Variants in GMDS observed in about 807,000 individuals in gnomAD.
GMDS encodes GDP-mannose 4,6 dehydratase.
In GMDS, 20 loss-of-function variants were observed where a neutral mutation model predicts 49.9. The ratio of observed to expected loss-of-function variants is 0.40; its 90% CI spans 0.28 to 0.58. The LOEUF (loss-of-function observed/expected upper bound fraction) is 0.58. GMDS is among the 20% of genes least tolerant of loss of function. The probability of loss-of-function intolerance (pLI) is 0.42; values close to 1 mark genes in which losing one functional copy is unlikely to be tolerated. For missense variants in GMDS, 362 were observed against 481.4 expected, an observed-to-expected ratio of 0.75 and a Z score of 2.32; for synonymous variants, 177 against 178.6, an observed-to-expected ratio of 0.99 and a Z score of 0.07.
chr6:1,884,380 G>A (rs769099929), intron 7 of GMDS, among the ~76,000 whole-genome samples: 39 of 152,194 alleles, frequency 2.6e-4, no homozygotes, highest in Non-Finnish European at 4.4e-4. Context: ...ATGATGTAGC[G>A]TTAACCAGGG....
rs116812691 is a variant in GMDS at position 1,868,558 on chromosome 6, G to A, written c.771+61545C>T. 3.9e-3 allele frequency among the ~76,000 whole-genome samples: 589 copies of A among 152,276 alleles called. 5 individuals are homozygous for A. Among genetic ancestry groups the A allele is most frequent in the African/African-American group, 0.013 (534 of 41,560 alleles). On this transcript the variant is annotated intron_variant, in intron 7 of 10. Coordinates refer to ENST00000380815, the MANE Select transcript of GMDS (RefSeq NM_001500.4). ...TATTCTGCAGAGCACTGAGGTAGGC[G>A]TGTCTATATTTCTTACTTTATTTAA... is the stretch of plus-strand genomic sequence containing the variant.
intron 4 of GMDS, among the ~76,000 whole-genome samples, chr6:1,978,217 CA>C (rs1765022412): frequency 1.3e-5 from 2 of 152,144 alleles, no homozygotes; most frequent in Admixed American, 1.3e-4. Flanking sequence ...GCAGCTTTGT[CA>C]GTTAAAGGCC....
At chr6:1,752,697 A>G (rs1396511460) in intron 7 of GMDS, among the ~76,000 whole-genome samples, 5 of 152,204 alleles carry the variant, frequency 3.3e-5, no homozygotes, top group African/African-American at 1.2e-4. Flanking sequence ...CTCGGCAGAA[A>G]CCCTACAAGC....
Position 2,178,832 on chromosome 6 carries a change from C to A in GMDS, c.103-54101G>T, listed in dbSNP as rs553162021. On this transcript the variant is annotated intron_variant, in intron 1 of 10. Coordinates refer to ENST00000380815, the MANE Select transcript of GMDS (RefSeq NM_001500.4). ...TTGAACATCCACAGGCCCTGACTTT[C>A]CAGACTAACAATGATATTCTGATGC... 1.1e-4 allele frequency among the ~76,000 whole-genome samples: 16 copies of A among 152,278 alleles called. No individual in the cohort carries two copies. In the South Asian group the frequency reaches 3.3e-3, roughly 32 times the overall value.
chr6:1,761,790 T>C (rs1281045549), intron 7 of GMDS, among the ~76,000 whole-genome samples: 1 of 152,150 alleles, frequency 6.6e-6, no homozygotes, highest in Non-Finnish European at 1.5e-5. Context: ...GAAATCTCGC[T>C]CACAATGAAA....
chr6:2,205,785 A>G (rs1779780167), intron 1 of GMDS, among the ~76,000 whole-genome samples: 2 of 150,656 alleles, frequency 1.3e-5, no homozygotes, highest in African/African-American at 4.9e-5. Flanking sequence ...GTGGGGGGGG[A>G]GGGGGGTGTT....
chr6:1,825,504 T>A (rs931082943), intron 7 of GMDS, among the ~76,000 whole-genome samples: 36 of 152,174 alleles, frequency 2.4e-4, no homozygotes, highest in Non-Finnish European at 4.7e-4. Flanking sequence ...GAGAAATGTG[T>A]CCTTAGGTGA....
intron 4 of GMDS, among the ~76,000 whole-genome samples, chr6:2,049,981 G>T (rs1046755504): frequency 6.6e-6 from 1 of 152,036 alleles, no homozygotes. Flanking sequence ...AGAGAAGCAA[G>T]AGCAAACAAA....
At chr6:1,835,759 T>C (rs996338939) in intron 7 of GMDS, among the ~76,000 whole-genome samples, 5 of 152,170 alleles carry the variant, frequency 3.3e-5, no homozygotes, top group Non-Finnish European at 7.3e-5. Context: ...AGATATCAAT[T>C]TGGTAATAGG....
chr6:1,708,535 G>A (rs1352951074), intron 9 of GMDS, among the ~76,000 whole-genome samples: 4 of 152,376 alleles, frequency 2.6e-5, no homozygotes, highest in Non-Finnish European at 5.9e-5. Flanking sequence ...AGAATGGATC[G>A]GGCGAGAGCC....
intron 9 of GMDS, among the ~76,000 whole-genome samples, chr6:1,699,784 G>A (rs772599262): frequency 7.2e-5 from 11 of 152,050 alleles, no homozygotes; most frequent in Non-Finnish European, 1.5e-4. Context: ...ACATAGCCAC[G>A]TATTCTAGAA....
chr6:1,631,196 G>A (rs185604781), intron 9 of GMDS, among the ~76,000 whole-genome samples: 9 of 152,164 alleles, frequency 5.9e-5, no homozygotes, highest in Admixed American at 1.3e-4. Flanking sequence ...CCCTCAAAGC[G>A]CTTTATAGAC....
At position 1,778,454 on chromosome 6, in the gene GMDS, C is replaced by T. The variant is rs1443920406; in HGVS notation, c.772-35868G>A. Reference sequence around the variant, plus strand: ...CGGCGGGCACTGTGCTGAGGAGTGGCCAAGGAACTGTGGAATTCAAGAGGA... The same window carrying T: ...CGGCGGGCACTGTGCTGAGGAGTGGTCAAGGAACTGTGGAATTCAAGAGGA... On this transcript the variant is annotated intron_variant, in intron 7 of 10. Coordinates refer to ENST00000380815, the MANE Select transcript of GMDS (RefSeq NM_001500.4). This position sits in a 1 kb window ranked among gnomAD's most constrained non-coding sequence, Gnocchi z 4.6. Among the ~76,000 whole-genome samples the T allele has an allele frequency of 6.6e-6, 1 of 152,100 alleles. No individual in the cohort carries two copies.
At chr6:1,783,082 G>A (rs1769177043) in intron 7 of GMDS, among the ~76,000 whole-genome samples, 1 of 152,140 alleles carries the variant, frequency 6.6e-6, no homozygotes, top group East Asian at 1.9e-4. Flanking sequence ...TCGAGCCTGG[G>A]AGGTCAAGGC....
At chr6:1,942,389 C>T (rs993022423) in intron 6 of GMDS, among the ~76,000 whole-genome samples, 7 of 152,166 alleles carry the variant, frequency 4.6e-5, no homozygotes, top group Admixed American at 3.9e-4. Flanking sequence ...CTCTTTCCTA[C>T]TTCACATGGT....
chr6:2,010,551 A>G (rs531421785), intron 4 of GMDS, among the ~76,000 whole-genome samples: 1 of 152,290 alleles, frequency 6.6e-6, no homozygotes, highest in South Asian at 2.1e-4. Flanking sequence ...CTATGAAAAT[A>G]ACACTCAATA....
intron 7 of GMDS, among the ~76,000 whole-genome samples, chr6:1,780,386 A>G (rs1359869289): frequency 6.6e-6 from 1 of 152,202 alleles, no homozygotes; most frequent in Non-Finnish European, 1.5e-5. Context: ...AATGTATTCA[A>G]TAAATGGCAA....
At chr6:2,156,053 G>A (rs1025101224) in intron 1 of GMDS, among the ~76,000 whole-genome samples, 1 of 151,998 alleles carries the variant, frequency 6.6e-6, no homozygotes, top group African/African-American at 2.4e-5. Flanking sequence ...CAGGAAGGAA[G>A]AATAATTGTT....
chr6:2,122,829 A>ATAGAAG (rs1775215242), intron 2 of GMDS, among the ~76,000 whole-genome samples: 1 of 152,182 alleles, frequency 6.6e-6, no homozygotes, highest in South Asian at 2.1e-4. Context: ...AGTGTCAACC[A>ATAGAAG]TGTTTCCTTC....
Sources: gnomAD v4.1 joint callset for allele counts (sites outside exome capture counted in the v4.1 genomes callset) on GRCh38, gnomAD v4.1.1 for gene constraint, Gnocchi (gnomAD v3.1) non-coding constraint, MANE v1.5 for transcripts, NCBI Gene and HGNC (gene_info 2026-07-23, HGNC 2026-07-21) for gene names.